Variants in LPIN3 observed in about 807,000 individuals in gnomAD.
The protein encoded by LPIN3 is phosphatidate phosphatase LPIN3.
LPIN3 carries 82 observed loss-of-function variants against 94.7 expected under a neutral mutation model. That is an observed-to-expected ratio of 0.87 (90% confidence interval 0.72 to 1.04). The LOEUF (loss-of-function observed/expected upper bound fraction) is 1.04. LPIN3 is among the 50% of genes least tolerant of loss of function. The pLI is 0.00. For synonymous variants in LPIN3, 418 were observed against 443.3 expected (o/e 0.94, Z 0.72); for missense variants, 996 against 1,090.5 (o/e 0.91, Z 1.22).
At chr20:41,347,873 T>C (rs572197085) in intron 3 of LPIN3, among the ~76,000 whole-genome samples, 34 of 152,260 alleles carry the variant, frequency 2.2e-4, no homozygotes, top group African/African-American at 6.7e-4. Context: ...TACTGGGAAG[T>C]TGGGGAAGGT....
At chr20:41,347,130 G>A (rs542503932) in intron 2 of LPIN3, among the ~76,000 whole-genome samples, 7 of 152,322 alleles carry the variant, frequency 4.6e-5, no homozygotes, top group South Asian at 4.1e-4. Context: ...CAAAGGGCCA[G>A]TACACTAAAA....
chr20:41,344,124 T>G lies in LPIN3; in HGVS notation c.-8-1672T>G, dbSNP rs555078453. 2.8e-4 allele frequency among the ~76,000 whole-genome samples: 42 copies of G among 151,730 alleles called. 1 individual carries two copies. In the South Asian group the frequency reaches 8.2e-3, roughly 29 times the overall value. On this transcript the variant is annotated intron_variant, in intron 1 of 19. Coordinates refer to ENST00000373257, the MANE Select transcript of LPIN3 (RefSeq NM_022896.3). ...CAGATGCTGATTCAGTAGGGCTGAG[T>G]TGGGCCTAAGTTTCTGTTTCTAACA... is the stretch of plus-strand genomic sequence containing the variant.
intron 1 of LPIN3, among the ~76,000 whole-genome samples, chr20:41,344,367 T>G (rs1194218522): frequency 6.6e-6 from 1 of 152,252 alleles, no homozygotes; most frequent in African/African-American, 2.4e-5. Context: ...TTCTATGGCC[T>G]GTCAGCTTAG....
chr20:41,358,629 G>A lies in LPIN3; in HGVS notation c.2411+87G>A, dbSNP rs142288721. 1.0e-5 allele frequency: 16 copies of A among 1,602,716 alleles called. No homozygotes were observed. The East Asian group carries it at 1.1e-4, about 11-fold the overall frequency. ...CTGGGCCCCAATTTTACCTCTTACC[G>A]GGGAGTCTGTCCCTTACTCTGGGAC... On this transcript the variant is annotated intron_variant, in intron 19 of 19. Transcript: ENST00000373257.
rs763050104 is a variant in LPIN3 at position 41,358,899 on chromosome 20, G to A, written c.*33G>A. Reference sequence around the variant, plus strand: ...CTGGCTGGCTCCTCCTCCCTGGCCCGGCCCAGGACTGGCTAGGTGTCCTGG... The same window carrying A: ...CTGGCTGGCTCCTCCTCCCTGGCCCAGCCCAGGACTGGCTAGGTGTCCTGG... On this transcript the variant is annotated 3_prime_UTR_variant, in exon 20 of 20. Transcript: ENST00000373257. The A allele has an allele frequency of 2.7e-5, 43 of 1,611,344 alleles. No homozygotes were observed. The East Asian group carries it at 2.7e-4, about 10-fold the overall frequency.
chr20:41,357,613 T>C (rs1324284981), intron 16 of LPIN3, among the ~76,000 whole-genome samples, 166 bp downstream of exon 16: 1 of 152,180 alleles, frequency 6.6e-6, no homozygotes, highest in Non-Finnish European at 1.5e-5. Context: ...TGGGAAAGGC[T>C]CATCCCCTGG....
chr20:41,347,707 G>A, intron 3 of LPIN3, 60 bp downstream of exon 3: 1 of 1,441,038 alleles, frequency 6.9e-7, no homozygotes, highest in South Asian at 1.3e-5. Flanking sequence ...CCTCTTCTGG[G>A]CAGAGCCTTG....
Position 41,345,848 on chromosome 20 carries a change from G to A in LPIN3, c.45G>A (p.Val15=), listed in dbSNP as rs1362616053. The change falls in exon 2 of 20, where the codon GTG becomes GTA. Residue 15 remains valine, a synonymous_variant. Coordinates refer to ENST00000373257, the MANE Select transcript of LPIN3 (RefSeq NM_022896.3). ...TGGCGGAGACGGTGTTTGGGACGGT[G>A]AAGGAGCTGTACCGGGGCCTGAACC... The part of the protein sequence containing the change: ...GQLAETVFGT[V]KELYRGLNPA... The A allele has an allele frequency of 1.9e-6, 3 of 1,614,250 alleles. No homozygotes were observed. Among genetic ancestry groups the A allele is most frequent in the Admixed American group, 1.7e-5 (1 of 60,030 alleles).
intron 11 of LPIN3, among the ~76,000 whole-genome samples, chr20:41,354,203 AG>A (rs1476990161): frequency 6.6e-6 from 1 of 152,236 alleles, no homozygotes; most frequent in African/African-American, 2.4e-5. Flanking sequence ...TTCATGGAAT[AG>A]GATCACCAAC....
chr20:41,350,648 G>T (rs2045975095), intron 7 of LPIN3, among the ~76,000 whole-genome samples: 1 of 152,110 alleles, frequency 6.6e-6, no homozygotes, highest in Non-Finnish European at 1.5e-5. Context: ...CTCCGAGAAG[G>T]TGATGTTGGA....
In LPIN3 at chr20:41,352,672, C is replaced by T. The variant is rs140918301; in HGVS notation, c.1430C>T (p.Pro477Leu). Residue 477 changes from proline to leucine, a missense_variant, in exon 10 of 20, where the codon CCA becomes CTA. Transcript: ENST00000373257. ...LTKNPGLLDDPNLVVKINGKH... is the reference protein window; with the variant it reads ...LTKNPGLLDDLNLVVKINGKH... Reference sequence around the variant, plus strand: ...AAAAACCCCGGACTTTTGGATGACCCAAACCTAGTGGTGAAAATCAATGGA... The same window carrying T: ...AAAAACCCCGGACTTTTGGATGACCTAAACCTAGTGGTGAAAATCAATGGA... 1.4e-4 allele frequency: 232 copies of T among 1,614,062 alleles called. No individual in the cohort carries two copies. The highest frequency in any genetic ancestry group is 1.8e-4 in the Non-Finnish European group (210 of 1,180,016).
intron 1 of LPIN3, among the ~76,000 whole-genome samples, chr20:41,342,670 G>A (rs577026845): frequency 7.1e-6 from 1 of 141,524 alleles, no homozygotes; most frequent in Non-Finnish European, 1.6e-5. Flanking sequence ...GCAGATGTGG[G>A]GGGGCTCACT....
rs1042396793 is a variant in LPIN3, at chr20:41,359,821, G to A, written c.*955G>A. On this transcript the variant is annotated 3_prime_UTR_variant, in exon 20 of 20. Transcript: ENST00000373257. ...AGTCCCAAACTCAGCTGGGGCAGGTGTTGGCCTGAAAGTCCTCCCCCAGCC... is the reference window on the plus strand; with the variant it reads ...AGTCCCAAACTCAGCTGGGGCAGGTATTGGCCTGAAAGTCCTCCCCCAGCC... 2.0e-5 allele frequency: 3 copies of A among 152,266 alleles called. No individual in the cohort carries two copies. The highest frequency in any genetic ancestry group is 1.3e-4 in the Admixed American group (2 of 15,276). The allele number at this position is 152,266 out of a possible 1,614,324, so 9.4% of individuals were successfully genotyped here. A position where few individuals can be genotyped will look rare whatever the true frequency, so the allele number is the denominator to read the frequency against.
rs577023252 is a variant in LPIN3 at position 41,357,185 on chromosome 20, C to A, written c.1949C>A (p.Thr650Asn). 6.2e-7 allele frequency: 1 copy of A among 1,613,814 alleles called. No individual in the cohort carries two copies. The highest frequency in any genetic ancestry group is 1.3e-5 in the African/African-American group (1 of 74,942). Reference protein sequence around the residue: ...VVISDIDGTITKSDALGHILP... With the variant: ...VVISDIDGTINKSDALGHILP... Reference sequence around the variant, plus strand: ...ATCTCTGACATCGACGGCACCATCACCAAGTGAGGCCCACCCAGCTGTGGG... The same window carrying A: ...ATCTCTGACATCGACGGCACCATCAACAAGTGAGGCCCACCCAGCTGTGGG... The change falls in exon 15 of 20, where the codon ACC becomes AAC. Residue 650 changes from threonine (T) to asparagine (N), a missense_variant. Transcript: ENST00000373257.
chr20:41,345,971 C>T lies in LPIN3; in HGVS notation c.168C>T (p.Gly56=), dbSNP rs754631598. The part of the protein sequence containing the change: ...SPFHVRFGKL[G]VLRSREKVVD... ...TCCACGTGCGTTTTGGCAAGCTGGG[C>T]GTCCTGCGGTCGCGGGAGAAGGTGG... Residue 56 remains glycine (G), a synonymous_variant, in exon 2 of 20, where the codon GGC becomes GGT. Coordinates refer to ENST00000373257, the MANE Select transcript of LPIN3 (RefSeq NM_022896.3). The T allele has an allele frequency of 9.4e-5, 152 of 1,613,650 alleles. No individual in the cohort carries two copies. The highest frequency in any genetic ancestry group is 1.2e-4 in the Non-Finnish European group (146 of 1,179,884).
intron 1 of LPIN3, among the ~76,000 whole-genome samples, chr20:41,341,423 TG>T (rs1238829762): frequency 6.6e-6 from 1 of 151,912 alleles, no homozygotes; most frequent in East Asian, 1.9e-4. Flanking sequence ...TTCTCTCTAC[TG>T]GGGCACTAGG....
In LPIN3 at chr20:41,349,924, G is replaced by A. The variant is rs6029646; in HGVS notation, c.759+30G>A. The stretch of plus-strand genomic sequence containing the variant: ...GTCCCTCTGTATCAACCCCAGGCCC[G>A]GCCTTTCAGGGGCTCTGTGGCCCCC... On this transcript the variant is annotated intron_variant, in intron 6 of 19. Transcript: ENST00000373257. The A allele has an allele frequency of 3.1e-6, 5 of 1,590,244 alleles. No homozygotes were observed. The South Asian group carries it at 3.4e-5, about 11-fold the overall frequency.
chr20:41,355,877 G>A lies in LPIN3; in HGVS notation c.1665-19G>A. On this transcript the variant is annotated intron_variant, in intron 13 of 19. Transcript: ENST00000373257. ...CCTTTGGCTGGAGGAGATGGCCTGAGAGCCAGTGTGGTCCACAGGGAGAAG... is the reference window on the plus strand; with the variant it reads ...CCTTTGGCTGGAGGAGATGGCCTGAAAGCCAGTGTGGTCCACAGGGAGAAG... 6.2e-7 allele frequency: 1 copy of A among 1,613,330 alleles called. No homozygotes were observed. The highest frequency in any genetic ancestry group is 2.2e-5 in the East Asian group (1 of 44,858).
intron 14 of LPIN3, 81 bp from the exon 15 acceptor site, chr20:41,356,959 C>A (rs555539445): frequency 1.3e-6 from 2 of 1,526,610 alleles, no homozygotes; most frequent in East Asian, 2.3e-5. Flanking sequence ...CCGAGGGGAT[C>A]GGAGGCCACG....
Sources: gnomAD v4.1 joint callset for allele counts (sites outside exome capture counted in the v4.1 genomes callset) on GRCh38, gnomAD v4.1.1 for gene constraint, MANE v1.5 for transcripts, NCBI Gene and HGNC (gene_info 2026-07-23, HGNC 2026-07-21) for gene names.